The following PLD1 variants were observed in gnomAD, a reference collection of about 807,000 sequenced individuals.
The protein encoded by PLD1 is phospholipase D1.
PLD1 carries 112 observed loss-of-function variants against 137.1 expected under a neutral mutation model. The observed-to-expected ratio is 0.82, with a 90% CI of 0.70 to 0.96. The LOEUF (loss-of-function observed/expected upper bound fraction) is 0.96, where lower values mean the gene tolerates loss of function less well. PLD1 is among the 40% of genes least tolerant of loss of function. The pLI is 0.00. For missense variants in PLD1, 1,321 were observed against 1,342.0 expected (o/e 0.98, Z 0.24); for synonymous variants, 431 against 454.7 (o/e 0.95, Z 0.66).
intron 1 of PLD1, among the ~76,000 whole-genome samples, chr3:171,757,998 T>C (rs192333621): frequency 6.6e-6 from 1 of 152,332 alleles, no homozygotes; most frequent in East Asian, 1.9e-4. Flanking sequence ...AGCTCAACTC[T>C]GGGGACTCTC....
intron 1 of PLD1, among the ~76,000 whole-genome samples, chr3:171,784,025 C>A (rs892715766): frequency 2.0e-5 from 3 of 152,088 alleles, no homozygotes; most frequent in African/African-American, 7.2e-5. Flanking sequence ...GTATGTGTAC[C>A]CATTTGGTCT....
rs1578396099 is a variant in PLD1 at position 171,743,144 on chromosome 3, C to A, written c.-31-5062G>T. Among the ~76,000 whole-genome samples the A allele has an allele frequency of 3.3e-5, 5 of 152,298 alleles. No individual in the cohort carries two copies. The South Asian group carries it at 1.0e-3, about 32-fold the overall frequency. ...TGAAATGTTCCACTCATGCTTCCTCCCTTGGGAAGCTGTGAGGAGCAAATG... is the reference window on the plus strand; with the variant it reads ...TGAAATGTTCCACTCATGCTTCCTCACTTGGGAAGCTGTGAGGAGCAAATG... On this transcript the variant is annotated intron_variant, in intron 1 of 26. Coordinates refer to ENST00000351298, the MANE Select transcript of PLD1 (RefSeq NM_002662.5).
chr3:171,639,941 C>T (rs1735602604), intron 23 of PLD1, among the ~76,000 whole-genome samples: 1 of 148,206 alleles, frequency 6.7e-6, no homozygotes, highest in Non-Finnish European at 1.5e-5. Context: ...TCTATCTGGG[C>T]TAATTTGTTG....
At chr3:171,719,487 A>C (rs543884982) in intron 8 of PLD1, among the ~76,000 whole-genome samples, 2 of 152,352 alleles carry the variant, frequency 1.3e-5, no homozygotes, top group East Asian at 3.9e-4. Context: ...TAATGGCTGC[A>C]TGAATGGATT....
intron 25 of PLD1, among the ~76,000 whole-genome samples, chr3:171,606,790 C>A (rs986011732): frequency 6.6e-6 from 1 of 152,036 alleles, no homozygotes; most frequent in Non-Finnish European, 1.5e-5. Flanking sequence ...TGGGTAATTT[C>A]CAATTTTTCA....
At chr3:171,679,337 T>C (rs943309003) in intron 16 of PLD1, among the ~76,000 whole-genome samples, 3 of 152,224 alleles carry the variant, frequency 2.0e-5, no homozygotes, top group Admixed American at 6.5e-5. Context: ...AATGAAATCA[T>C]GTTAAAAATA....
intron 19 of PLD1, 152 bp downstream of exon 19, chr3:171,674,348 A>G (rs898769821): frequency 2.7e-5 from 12 of 447,512 alleles, no homozygotes; most frequent in Non-Finnish European, 4.5e-5. Flanking sequence ...TAACATAGGA[A>G]ATATAATAAC....
chr3:171,682,504 G>T (rs1043080969), intron 16 of PLD1, among the ~76,000 whole-genome samples: 1 of 152,214 alleles, frequency 6.6e-6, no homozygotes, highest in Non-Finnish European at 1.5e-5. Context: ...GGAAAAGGAA[G>T]TCATTAACTC....
At chr3:171,605,885 GT>G (rs1465317098) in intron 25 of PLD1, among the ~76,000 whole-genome samples, 1 of 152,206 alleles carries the variant, frequency 6.6e-6, no homozygotes, top group African/African-American at 2.4e-5. Flanking sequence ...AAGAAGACCT[GT>G]GCTATTTGGA....
intron 1 of PLD1, among the ~76,000 whole-genome samples, chr3:171,799,898 C>G (rs1244224412): frequency 1.5e-5 from 2 of 136,268 alleles, no homozygotes; most frequent in Non-Finnish European, 3.3e-5. Flanking sequence ...TCAAAACTAT[C>G]AAGGTCATCA....
chr3:171,642,802 T>TA, intron 23 of PLD1, 38 bp downstream of exon 23: 3 of 1,245,768 alleles, frequency 2.4e-6, no homozygotes, highest in Non-Finnish European at 3.5e-6. Flanking sequence ...ACCTTCATAA[T>TA]AAAAAACAAT....
chr3:171,675,884 C>T (rs1172526448), intron 18 of PLD1, among the ~76,000 whole-genome samples: 1 of 149,666 alleles, frequency 6.7e-6, no homozygotes, highest in South Asian at 2.1e-4. Flanking sequence ...GCTCTGTTGC[C>T]TAGGCTGGAG....
At position 171,764,875 on chromosome 3, in the gene PLD1, GAAAGAAAGAA is replaced by G. The variant is rs778458963; in HGVS notation, c.-31-26803_-31-26794del. 4.5e-3 allele frequency among the ~76,000 whole-genome samples: 135 copies of G among 30,216 alleles called. 18 individuals are homozygous for G. Among genetic ancestry groups the G allele is most frequent in the Middle Eastern group, 0.026 (1 of 38 alleles). The allele number at this position is 30,216 out of a possible 152,430, so 19.8% of individuals were successfully genotyped here. A position where few individuals can be genotyped will look rare whatever the true frequency, so the allele number is the denominator to read the frequency against. On this transcript the variant is annotated intron_variant, in intron 1 of 26. Coordinates refer to ENST00000351298, the MANE Select transcript of PLD1 (RefSeq NM_002662.5). The stretch of plus-strand genomic sequence containing the variant: ...AGAAAGAAAGAAAGAAAGAAAGAAA[GAAAGAAAGAA>G]AGAAAGAAAGGAAGGAAGGAAGGAA...
chr3:171,724,664 C>G lies in PLD1; in HGVS notation c.758+32G>C, dbSNP rs1293075937. 5 of 1,319,896 alleles carry G rather than the reference C, an allele frequency of 3.8e-6. No individual in the cohort carries two copies. In the African/African-American group the frequency reaches 5.8e-5, roughly 15 times the overall value. The allele number at this position is 1,319,896 out of a possible 1,614,324, so 81.8% of individuals were successfully genotyped here. A position where few individuals can be genotyped will look rare whatever the true frequency, so the allele number is the denominator to read the frequency against. On this transcript the variant is annotated intron_variant, in intron 8 of 26. Transcript: ENST00000351298. ...AGCCCAAATACCCAGTGTATTAAAA[C>G]AAACAAATACACAAAACTCACTAAT...
chr3:171,737,103 G>A (rs1033720552), intron 3 of PLD1, among the ~76,000 whole-genome samples: 1 of 152,134 alleles, frequency 6.6e-6, no homozygotes, highest in Non-Finnish European at 1.5e-5. Flanking sequence ...TTTTTCTTAA[G>A]AGCCAGGTAG....
intron 19 of PLD1, among the ~76,000 whole-genome samples, chr3:171,666,476 T>G (rs1712162588): frequency 6.6e-6 from 1 of 152,238 alleles, no homozygotes. Context: ...CCATGACATG[T>G]GGGGGATTAT....
intron 1 of PLD1, among the ~76,000 whole-genome samples, chr3:171,804,461 T>C (rs1723766714): frequency 6.6e-6 from 1 of 152,260 alleles, no homozygotes; most frequent in Non-Finnish European, 1.5e-5. Context: ...CCTTCATCCA[T>C]GTACCCTTTC....
rs376459861 is a variant in PLD1, at chr3:171,603,124, G to A, written c.3179C>T (p.Ser1060Phe). The A allele has an allele frequency of 3.7e-6, 6 of 1,613,934 alleles. No homozygotes were observed. The highest frequency in any genetic ancestry group is 5.1e-6 in the Non-Finnish European group (6 of 1,179,994). The change falls in exon 27 of 27, where the codon TCT becomes TTT. Residue 1060 changes from serine to phenylalanine, a missense_variant. Coordinates refer to ENST00000351298, the MANE Select transcript of PLD1 (RefSeq NM_002662.5). The part of the protein sequence containing the change: ...YFLSEESLLP[S>F]VGTKEAIVPM... ...CACTATGGCCTCTTTGGTCCCAACA[G>A]AAGGCAGTAGGCTTTCTTCAGACAA...
chr3:171,676,122 G>A (rs886915673), intron 18 of PLD1, among the ~76,000 whole-genome samples: 6 of 152,132 alleles, frequency 3.9e-5, no homozygotes, highest in East Asian at 1.9e-4. Flanking sequence ...GATTACAGTC[G>A]TGGGCCACCG....
Sources: allele counts gnomAD v4.1 joint callset (sites outside exome capture counted in the v4.1 genomes callset), GRCh38; gene constraint gnomAD v4.1.1; transcripts MANE v1.5; gene names NCBI Gene and HGNC (gene_info 2026-07-23, HGNC 2026-07-21).